The following TAFA2 variants were observed in gnomAD, a reference collection of about 807,000 sequenced individuals.
TAFA2 encodes chemokine-like protein TAFA-2.
In TAFA2, 7 loss-of-function variants were observed where a neutral mutation model predicts 18.8. That is an observed-to-expected ratio of 0.37 (90% CI 0.21 to 0.70). The LOEUF is 0.70. TAFA2 is among the 30% of genes least tolerant of loss of function. The pLI is 0.53. For missense variants in TAFA2, 122 were observed against 158.1 expected (o/e 0.77, Z 1.23); for synonymous variants, 60 against 54.2 (o/e 1.11, Z -0.47).
chr12:61,773,604 A>T (rs148405687), intron 2 of TAFA2, among the ~76,000 whole-genome samples: 5 of 151,950 alleles, frequency 3.3e-5, no homozygotes, highest in African/African-American at 1.2e-4. Flanking sequence ...CATAAAGTGG[A>T]GAGAGGACAC....
At chr12:62,109,204 C>T (rs1430058596) in intron 1 of TAFA2, among the ~76,000 whole-genome samples, 2 of 152,146 alleles carry the variant, frequency 1.3e-5, no homozygotes, top group Non-Finnish European at 2.9e-5. Context: ...ATGTGGCTAG[C>T]CAGTTCTCCC....
chr12:62,195,388 G>A (rs145512407), upstream of TAFA2, among the ~76,000 whole-genome samples: 114 of 152,262 alleles, frequency 7.5e-4, no homozygotes, highest in African/African-American at 2.6e-3. Flanking sequence ...CATCTAGAAT[G>A]GTGAATGATC....
intron 1 of TAFA2, among the ~76,000 whole-genome samples, chr12:62,068,937 C>T (rs974256590): frequency 3.3e-5 from 5 of 152,128 alleles, no homozygotes; most frequent in South Asian, 4.1e-4. Flanking sequence ...AGATGTGACT[C>T]CTAAACTATG....
At chr12:62,180,437 T>C (rs560371331) in intron 1 of TAFA2, among the ~76,000 whole-genome samples, 8 of 152,256 alleles carry the variant, frequency 5.3e-5, no homozygotes, top group African/African-American at 1.7e-4. Context: ...TATTCAAGGG[T>C]TTTGAGAAAG....
chr12:62,084,229 T>C (rs1188671879), intron 1 of TAFA2, among the ~76,000 whole-genome samples: 1 of 152,166 alleles, frequency 6.6e-6, no homozygotes, highest in Non-Finnish European at 1.5e-5. Context: ...GGAAAGCTTT[T>C]TGAGAGCACA....
intron 2 of TAFA2, among the ~76,000 whole-genome samples, chr12:61,850,638 A>T (rs900898765): frequency 1.3e-5 from 2 of 152,094 alleles, no homozygotes; most frequent in Non-Finnish European, 2.9e-5. Context: ...TATTCTCCTC[A>T]TGGTAGACTG....
intron 4 of TAFA2, among the ~76,000 whole-genome samples, chr12:61,714,543 A>G (rs551871384): frequency 6.6e-5 from 10 of 152,340 alleles, no homozygotes; most frequent in African/African-American, 2.4e-4. Flanking sequence ...AGATTTCTAA[A>G]CAACTCATGC....
chr12:61,742,606 T>C (rs1868507726), intron 4 of TAFA2, among the ~76,000 whole-genome samples: 2 of 152,138 alleles, frequency 1.3e-5, no homozygotes, highest in Non-Finnish European at 2.9e-5. Context: ...TGCATTTCTT[T>C]TGAGAGAGCA....
chr12:61,925,705 T>C (rs776469243), intron 1 of TAFA2, among the ~76,000 whole-genome samples: 1 of 152,122 alleles, frequency 6.6e-6, no homozygotes, highest in Non-Finnish European at 1.5e-5. Context: ...TAAAGTAGTG[T>C]GTAGAGGGAA....
At chr12:61,765,042 T>A (rs566174325) in intron 2 of TAFA2, among the ~76,000 whole-genome samples, 1 of 152,242 alleles carries the variant, frequency 6.6e-6, no homozygotes, top group East Asian at 1.9e-4. Flanking sequence ...GAAAGTGCTT[T>A]CCTATGCATC....
At chr12:61,952,460 G>A (rs1565693789) in intron 1 of TAFA2, among the ~76,000 whole-genome samples, 1 of 151,930 alleles carries the variant, frequency 6.6e-6, no homozygotes, top group African/African-American at 2.4e-5. Flanking sequence ...GTCAAGTTTT[G>A]ATAGTAAGTC....
intron 2 of TAFA2, among the ~76,000 whole-genome samples, chr12:61,841,848 T>C (rs1020809539): frequency 1.3e-5 from 2 of 152,082 alleles, no homozygotes; most frequent in Admixed American, 6.6e-5. Flanking sequence ...TTGTATCACA[T>C]AAATATGTAC....
chr12:61,905,800 G>A (rs750601166), intron 1 of TAFA2, among the ~76,000 whole-genome samples: 5 of 152,164 alleles, frequency 3.3e-5, no homozygotes, highest in African/African-American at 4.8e-5. Flanking sequence ...TACTGAAAAG[G>A]CAAATACTCA....
At chr12:62,074,423 G>C (rs1293303893) in intron 1 of TAFA2, among the ~76,000 whole-genome samples, 2 of 152,186 alleles carry the variant, frequency 1.3e-5, no homozygotes, top group Admixed American at 6.5e-5. Flanking sequence ...ATTGTTTGGA[G>C]AGTGACATGT....
chr12:62,119,480 CAT>C (rs774229814), intron 1 of TAFA2, among the ~76,000 whole-genome samples: 4 of 152,122 alleles, frequency 2.6e-5, no homozygotes, highest in Non-Finnish European at 4.4e-5. Flanking sequence ...ACACATACAC[CAT>C]ACACAAAAGT....
intron 2 of TAFA2, among the ~76,000 whole-genome samples, chr12:61,792,485 T>C (rs1187804620): frequency 6.6e-6 from 1 of 151,592 alleles, no homozygotes; most frequent in Non-Finnish European, 1.5e-5. Context: ...TATATATGCA[T>C]TGAAACATAT....
intron 1 of TAFA2, among the ~76,000 whole-genome samples, chr12:62,118,586 C>T (rs112868208): frequency 1.7e-3 from 263 of 152,144 alleles, no homozygotes; most frequent in African/African-American, 6.0e-3. Flanking sequence ...CTCCAGTCAG[C>T]GAAGAACATT....
chr12:62,170,907 C>G (rs1204579300), intron 1 of TAFA2, among the ~76,000 whole-genome samples: 1 of 152,104 alleles, frequency 6.6e-6, no homozygotes, highest in Non-Finnish European at 1.5e-5. Flanking sequence ...ATGTCTCTAA[C>G]CAAGAACATT....
chr12:62,001,205 T>C (rs1880364128), intron 1 of TAFA2, among the ~76,000 whole-genome samples: 1 of 152,176 alleles, frequency 6.6e-6, no homozygotes, highest in Non-Finnish European at 1.5e-5. Flanking sequence ...TGAACTGATC[T>C]CTTTTATCCA....
Sources: gnomAD v4.1 joint callset for allele counts (sites outside exome capture counted in the v4.1 genomes callset) on GRCh38, gnomAD v4.1.1 for gene constraint, MANE v1.5 for transcripts, NCBI Gene and HGNC (gene_info 2026-07-23, HGNC 2026-07-21) for gene names.